The following TMOD3 variants were observed in gnomAD, a reference collection of about 807,000 sequenced individuals.
TMOD3 encodes the protein tropomodulin-3.
TMOD3 carries 20 observed loss-of-function variants against 39.2 expected under a neutral mutation model. That is an observed-to-expected ratio of 0.51 (90% CI 0.36 to 0.74). The LOEUF is 0.74. Ranked by LOEUF, TMOD3 falls within the 30% of genes least tolerant of loss-of-function variation. The pLI is 0.00. For missense variants in TMOD3, 381 were observed against 412.8 expected, an observed-to-expected ratio of 0.92 and a Z score of 0.67; for synonymous variants, 143 against 145.8, an observed-to-expected ratio of 0.98 and a Z score of 0.14.
intron 1 of TMOD3, among the ~76,000 whole-genome samples, chr15:51,832,976 G>A (rs1170011859): frequency 1.3e-5 from 2 of 152,176 alleles, no homozygotes; most frequent in African/African-American, 4.8e-5. Context: ...TGGCTAAAGC[G>A]CTATCATCCC....
intron 1 of TMOD3, chr15:51,835,096 G>A (rs956328932): frequency 9.2e-5 from 14 of 152,182 alleles, no homozygotes; most frequent in Non-Finnish European, 1.8e-4. Flanking sequence ...TCTGTGGGTC[G>A]AGTTAATGGA....
At chr15:51,874,750 G>A (rs556561183) in intron 3 of TMOD3, among the ~76,000 whole-genome samples, 2 of 152,220 alleles carry the variant, frequency 1.3e-5, no homozygotes, top group Admixed American at 6.5e-5. Flanking sequence ...CCCTTACCTA[G>A]ACTAAGAATT....
chr15:51,908,103 T>G (rs2056691439), intron 9 of TMOD3, among the ~76,000 whole-genome samples: 1 of 152,218 alleles, frequency 6.6e-6, no homozygotes, highest in East Asian at 1.9e-4. Context: ...ATGACAAAAA[T>G]GTTTTTGGTA....
chr15:51,859,805 C>T, intron 1 of TMOD3: 1 of 506,962 alleles, frequency 2.0e-6, no homozygotes, highest in Non-Finnish European at 4.0e-6. Context: ...CCAGCTACTG[C>T]CACCTCTAGA....
intron 1 of TMOD3, among the ~76,000 whole-genome samples, chr15:51,858,654 A>G (rs114074819): frequency 0.012 from 1,897 of 152,284 alleles, 42 homozygotes; most frequent in African/African-American, 0.044. Flanking sequence ...GAACAAATGC[A>G]TACCATGTAT....
chr15:51,860,270 A>G (rs955513112), intron 1 of TMOD3: 8 of 522,530 alleles, frequency 1.5e-5, no homozygotes, highest in Middle Eastern at 6.1e-4. Flanking sequence ...GCAGTGACAC[A>G]TGAAATTCTG....
chr15:51,830,274 T>G (rs2056247868), intron 1 of TMOD3, among the ~76,000 whole-genome samples: 1 of 152,146 alleles, frequency 6.6e-6, no homozygotes, highest in Admixed American at 6.5e-5. Flanking sequence ...GAGCCAAAAC[T>G]TAGGGCACAC....
At position 51,912,737 on chromosome 15, in the gene TMOD3, C is replaced by G. The variant is rs1481334650; in HGVS notation, c.*3927C>G. 4 of 152,134 alleles carry G rather than the reference C, an allele frequency of 2.6e-5. No individual in the cohort carries two copies. The highest frequency in any genetic ancestry group is 9.7e-5 in the African/African-American group (4 of 41,424). 9.4% of individuals were successfully genotyped at this position (152,134 alleles called of 1,614,324 possible). A position where few individuals can be genotyped will look rare whatever the true frequency, so the allele number is the denominator to read the frequency against. On this transcript the variant is annotated 3_prime_UTR_variant, in exon 10 of 10. Transcript: ENST00000308580. ...TTACTGCACTTTGAACGTATTGACC[C>G]ATGTCACCCAAGAGAAGCAAACATA...
rs2141700146 is a variant in TMOD3 at position 51,887,614 on chromosome 15, A to G, written c.309A>G (p.Lys103=). The change falls in exon 4 of 10, where the codon AAA becomes AAG. Residue 103 remains lysine, a synonymous_variant. Coordinates refer to ENST00000308580, the MANE Select transcript of TMOD3 (RefSeq NM_014547.5). ...KKGKIFIPKQ[K]PVQTFTEEKV... is the part of the protein sequence containing the mutation. ...GGAAAATATTTATCCCCAAACAGAAACCTGTACAGACTTTTACAGAAGAAA... is the reference window on the plus strand; with the variant it reads ...GGAAAATATTTATCCCCAAACAGAAGCCTGTACAGACTTTTACAGAAGAAA... 1 of 1,613,496 alleles carries G rather than the reference A, an allele frequency of 6.2e-7. No individual in the cohort carries two copies. Among genetic ancestry groups the G allele is most frequent in the East Asian group, 2.2e-5 (1 of 44,834 alleles).
At chr15:51,859,669 A>C (rs1341750790) in intron 1 of TMOD3, 1 of 491,430 alleles carries the variant, frequency 2.0e-6, no homozygotes, top group South Asian at 1.7e-5. Context: ...ATGGTAGACA[A>C]ACCTGGAGTT....
Position 51,902,026 on chromosome 15 carries a change from C to G in TMOD3, c.1014C>G (p.Asn338Lys). 2 of 1,614,020 alleles carry G rather than the reference C, an allele frequency of 1.2e-6. No homozygotes were observed. The highest frequency in any genetic ancestry group is 1.7e-6 in the Non-Finnish European group (2 of 1,179,984). The change falls in exon 9 of 10, where the codon AAC becomes AAG. Residue 338 changes from asparagine to lysine, a missense_variant. Physicochemically the swap from Asn to Lys is moderately conservative, Grantham distance 94. Transcript: ENST00000308580. ...RTRAANAITK[N>K]NDLVRKRRVE... is the part of the protein sequence containing the mutation. ...GAGCAGCTAATGCTATAACAAAAAA[C>G]AATGACTTAGGTAAGACATAGTATC... is the stretch of plus-strand genomic sequence containing the variant.
rs189373249 is a variant in TMOD3, at chr15:51,897,840, A to T, written c.735+1314A>T. ...TCATTCTCGACATCCCTTTCTTGCA[A>T]CTTAAACCTACCTTTGGCCCTATCT... On this transcript the variant is annotated intron_variant, in intron 7 of 9. Coordinates refer to ENST00000308580, the MANE Select transcript of TMOD3 (RefSeq NM_014547.5). Among the ~76,000 whole-genome samples the T allele has an allele frequency of 6.7e-4, 101 of 151,660 alleles. No homozygotes were observed. The East Asian group carries it at 0.015, about 23-fold the overall frequency.
chr15:51,860,580 A>G (rs2056412155), intron 1 of TMOD3: 1 of 561,950 alleles, frequency 1.8e-6, no homozygotes, highest in Admixed American at 1.9e-5. Flanking sequence ...GTTGGAATGA[A>G]TGGCCAACAT....
At chr15:51,895,742 C>G (rs529914083) in intron 6 of TMOD3, among the ~76,000 whole-genome samples, 1 of 152,286 alleles carries the variant, frequency 6.6e-6, no homozygotes, top group East Asian at 1.9e-4. Flanking sequence ...CCTCAGGAAT[C>G]GTACTCATCA....
chr15:51,841,513 C>G (rs1218719651), intron 1 of TMOD3, among the ~76,000 whole-genome samples: 1 of 152,102 alleles, frequency 6.6e-6, no homozygotes, highest in Admixed American at 6.5e-5. Context: ...TCCTTTAGCC[C>G]CCTTCTAAAG....
intron 3 of TMOD3, 94 bp downstream of exon 3, chr15:51,869,467 C>T: frequency 2.5e-6 from 3 of 1,181,860 alleles, no homozygotes; most frequent in Non-Finnish European, 1.2e-6. Context: ...AGAGGTACAT[C>T]ATTGGTAGCC....
At chr15:51,907,239 T>TA (rs905080626) in intron 9 of TMOD3, 52 of 152,286 alleles carry the variant, frequency 3.4e-4, no homozygotes, top group African/African-American at 1.2e-3. Context: ...ATTGGAATGA[T>TA]ACAGAGAAGA....
intron 1 of TMOD3, among the ~76,000 whole-genome samples, chr15:51,850,516 T>G (rs1026053410): frequency 1.3e-5 from 2 of 152,122 alleles, no homozygotes; most frequent in African/African-American, 4.8e-5. Flanking sequence ...GTAGGCAGTA[T>G]TGAAGGTCTG....
chr15:51,898,946 G>A (rs2959298), intron 7 of TMOD3: 55,384 of 151,890 alleles, frequency 0.36, 10,474 homozygotes, highest in Middle Eastern at 0.43. Context: ...ATTAAGCACT[G>A]AGTCAAATGT....
Sources: gnomAD v4.1 joint callset for allele counts (sites outside exome capture counted in the v4.1 genomes callset) on GRCh38, gnomAD v4.1.1 for gene constraint, MANE v1.5 for transcripts, NCBI Gene and HGNC (gene_info 2026-07-23, HGNC 2026-07-21) for gene names.